Variants in NRG3 observed in about 807,000 individuals in gnomAD.
NRG3 encodes the protein pro-neuregulin-3, membrane-bound isoform.
Under a neutral mutation model 66.9 loss-of-function variants are expected in NRG3, and 31 were observed. The observed-to-expected ratio is 0.46, with a 90% confidence interval of 0.35 to 0.63. The LOEUF is 0.63. NRG3 is among the 20% of genes least tolerant of loss of function. The pLI is 0.00. For missense variants in NRG3, 910 were observed against 878.9 expected, an observed-to-expected ratio of 1.04 and a Z score of -0.45; for synonymous variants, 393 against 359.4, an observed-to-expected ratio of 1.09 and a Z score of -1.06.
chr10:82,672,125 A>G (rs1411349938), intron 2 of NRG3, among the ~76,000 whole-genome samples: 2 of 152,216 alleles, frequency 1.3e-5, no homozygotes, highest in Non-Finnish European at 2.9e-5. Context: ...AATCATGAAG[A>G]TGATTTTCCT....
intron 1 of NRG3, among the ~76,000 whole-genome samples, chr10:82,037,947 G>A (rs568406968): frequency 8.7e-4 from 132 of 151,004 alleles, no homozygotes; most frequent in South Asian, 1.9e-3. Flanking sequence ...CTCAAAAGTC[G>A]TGGAAAGGAA....
At chr10:82,958,751 A>G (rs1489589189) in intron 5 of NRG3, among the ~76,000 whole-genome samples, 198 bp from the exon 6 acceptor site, 8 of 152,190 alleles carry the variant, frequency 5.3e-5, no homozygotes, top group African/African-American at 1.9e-4. Context: ...TTCCTAGAGA[A>G]TATGGATGAT....
At chr10:82,664,450 T>G (rs2052606016) in intron 2 of NRG3, among the ~76,000 whole-genome samples, 1 of 152,174 alleles carries the variant, frequency 6.6e-6, no homozygotes, top group Non-Finnish European at 1.5e-5. Flanking sequence ...CTTTTAATTA[T>G]TGGGGAAAAG....
intron 2 of NRG3, among the ~76,000 whole-genome samples, chr10:82,628,629 G>A (rs886497300): frequency 4.6e-5 from 7 of 151,882 alleles, no homozygotes; most frequent in African/African-American, 1.2e-4. Context: ...AAAAAAAAGC[G>A]GTTCCACATA....
intron 1 of NRG3, among the ~76,000 whole-genome samples, chr10:82,349,845 C>A (rs560392675): frequency 3.3e-5 from 5 of 152,186 alleles, no homozygotes; most frequent in African/African-American, 1.2e-4. Flanking sequence ...TGTCTGTCAC[C>A]CCTTTCTTTG....
At chr10:82,698,738 T>C (rs2055601022) in intron 2 of NRG3, among the ~76,000 whole-genome samples, 1 of 152,098 alleles carries the variant, frequency 6.6e-6, no homozygotes, top group African/African-American at 2.4e-5. Context: ...CACAGAGCGG[T>C]TGTGAGGAAC....
At chr10:82,341,304 T>C (rs1217766157) in intron 1 of NRG3, among the ~76,000 whole-genome samples, 1 of 152,058 alleles carries the variant, frequency 6.6e-6, no homozygotes, top group Non-Finnish European at 1.5e-5. Context: ...AGTCCAAAAC[T>C]CAGCACGGTT....
intron 2 of NRG3, among the ~76,000 whole-genome samples, chr10:82,678,028 A>G (rs944118689): frequency 3.3e-5 from 5 of 152,158 alleles, no homozygotes; most frequent in East Asian, 1.9e-4. Flanking sequence ...TTACCAGCCA[A>G]GTGTTCTAAG....
intron 2 of NRG3, among the ~76,000 whole-genome samples, chr10:82,625,195 C>G (rs1442943960): frequency 6.6e-6 from 1 of 151,848 alleles, no homozygotes; most frequent in Non-Finnish European, 1.5e-5. Context: ...TCTCTCAAGG[C>G]TAACTTCCTC....
chr10:82,844,777 C>T (rs2063226325), intron 3 of NRG3, among the ~76,000 whole-genome samples: 1 of 149,776 alleles, frequency 6.7e-6, no homozygotes, highest in South Asian at 2.1e-4. Flanking sequence ...CTCAAAGGAA[C>T]AACAAAGGAT....
chr10:82,218,165 A>G (rs2075775335), intron 1 of NRG3, among the ~76,000 whole-genome samples: 1 of 152,216 alleles, frequency 6.6e-6, no homozygotes, highest in Admixed American at 6.5e-5. Flanking sequence ...TGCAAATAGG[A>G]AGGTAAATAT....
Position 81,875,331 on chromosome 10 carries a change from G to C in NRG3, c.-10G>C, listed in dbSNP as rs1035066985. 3 of 986,098 alleles carry C rather than the reference G, an allele frequency of 3.0e-6. No individual in the cohort carries two copies. In the African/African-American group the frequency reaches 5.3e-5, roughly 17 times the overall value. The allele number at this position is 986,098 out of a possible 1,614,324, so 61.1% of individuals were successfully genotyped here. A position where few individuals can be genotyped will look rare whatever the true frequency, so the allele number is the denominator to read the frequency against. On this transcript the variant is annotated 5_prime_UTR_variant, in exon 1 of 9. Transcript: ENST00000372141. This position sits in a 1 kb window ranked among gnomAD's most constrained non-coding sequence, Gnocchi z 5.3. ...CCTCGGGGGGGCGAAGGTGAAGACC[G>C]GCTCCTAGGATGAGTGAAGGGGCGG... is the stretch of plus-strand genomic sequence containing the variant.
At chr10:82,764,481 G>A (rs949156473) in intron 3 of NRG3, among the ~76,000 whole-genome samples, 5 of 149,956 alleles carry the variant, frequency 3.3e-5, no homozygotes, top group Non-Finnish European at 7.4e-5. Context: ...TCCTGCCTCA[G>A]CCTCCCGAGT....
chr10:82,078,205 T>G (rs1475304030), intron 1 of NRG3, among the ~76,000 whole-genome samples: 1 of 152,144 alleles, frequency 6.6e-6, no homozygotes, highest in African/African-American at 2.4e-5. Context: ...CACTTTTAGG[T>G]CATGGAGGAC....
chr10:82,255,554 A>T (rs2077678570), intron 1 of NRG3, among the ~76,000 whole-genome samples: 1 of 152,184 alleles, frequency 6.6e-6, no homozygotes, highest in Non-Finnish European at 1.5e-5. Flanking sequence ...AAACTTCTGT[A>T]CTGTTTTCTC....
Position 82,724,074 on chromosome 10 carries a change from G to T in NRG3, c.954-14503G>T, listed in dbSNP as rs11195733. Among the ~76,000 whole-genome samples, 142 of 148,922 alleles carry T rather than the reference G, an allele frequency of 9.5e-4. No homozygotes were observed. In the East Asian group the frequency reaches 0.015, roughly 16 times the overall value. On this transcript the variant is annotated intron_variant, in intron 2 of 8. Coordinates refer to ENST00000372141, the MANE Select transcript of NRG3 (RefSeq NM_001010848.4). ...AATAGCTTAGCTTCAGAAAAAAAAA[G>T]AAAAAAAAACAAGAAACAGGAATTT... is the stretch of plus-strand genomic sequence containing the variant.
intron 3 of NRG3, among the ~76,000 whole-genome samples, chr10:82,835,133 T>C (rs892382940): frequency 5.6e-4 from 85 of 152,304 alleles, no homozygotes; most frequent in African/African-American, 1.9e-3. Flanking sequence ...CAGTCACAGT[T>C]GGAAATGACA....
At chr10:82,001,858 G>A (rs933340138) in intron 1 of NRG3, among the ~76,000 whole-genome samples, 1 of 152,170 alleles carries the variant, frequency 6.6e-6, no homozygotes, top group Non-Finnish European at 1.5e-5. Context: ...CAGGGTAGAT[G>A]TATGTTTGGG....
intron 1 of NRG3, among the ~76,000 whole-genome samples, chr10:82,106,975 TAAAG>T (rs1384284349): frequency 2.6e-5 from 4 of 152,274 alleles, no homozygotes; most frequent in African/African-American, 7.2e-5. Context: ...CTTCTCCACT[TAAAG>T]AACCCCTGTA....
Sources: allele counts gnomAD v4.1 joint callset (sites outside exome capture counted in the v4.1 genomes callset), GRCh38; gene constraint gnomAD v4.1.1; non-coding constraint Gnocchi (gnomAD v3.1); transcripts MANE v1.5; gene names NCBI Gene and HGNC (gene_info 2026-07-23, HGNC 2026-07-21).